BTD: variants seen among roughly 807,000 people sequenced by gnomAD.
The protein encoded by BTD is biocytinase.
Under a neutral mutation model 17.7 loss-of-function variants are expected in BTD, and 13 were observed. The ratio of observed to expected loss-of-function variants is 0.74; its 90% CI spans 0.48 to 1.17. The LOEUF (loss-of-function observed/expected upper bound fraction) is 1.17, where lower values mean the gene tolerates loss of function less well. Ranked by LOEUF, BTD falls within the 50% of genes most tolerant of loss-of-function variation. BTD has a pLI of 0.00. For synonymous variants in BTD, 240 were observed against 245.2 expected, an observed-to-expected ratio of 0.98 and a Z score of 0.20; for missense variants, 674 against 650.4, an observed-to-expected ratio of 1.04 and a Z score of -0.39.
At chr3:15,693,129 CAG>C (rs1331434712) in intron 3 of BTD, among the ~76,000 whole-genome samples, 2 of 152,106 alleles carry the variant, frequency 1.3e-5, no homozygotes, top group African/African-American at 2.4e-5. Flanking sequence ...TTAATGGGTA[CAG>C]AGTTTTAGTT....
chr3:15,660,306 G>T (rs1394565942), intron 3 of BTD, among the ~76,000 whole-genome samples: 1 of 152,236 alleles, frequency 6.6e-6, no homozygotes, highest in Non-Finnish European at 1.5e-5. Context: ...CATACGGAAA[G>T]GTGCTTTACC....
At chr3:15,619,008 C>A (rs180760585) in intron 1 of BTD, among the ~76,000 whole-genome samples, 1 of 152,096 alleles carries the variant, frequency 6.6e-6, no homozygotes, top group Non-Finnish European at 1.5e-5. Context: ...TGAACAAAGG[C>A]GGTTTTATTT....
chr3:15,715,216 A>G (rs1191133345), downstream of BTD, among the ~76,000 whole-genome samples: 1 of 152,202 alleles, frequency 6.6e-6, no homozygotes, highest in Non-Finnish European at 1.5e-5. Flanking sequence ...GATTTAGGTT[A>G]TCTTTTCTTC....
chr3:15,698,537 C>G (rs1471325289), intron 3 of BTD, among the ~76,000 whole-genome samples: 3 of 152,212 alleles, frequency 2.0e-5, no homozygotes, highest in Non-Finnish European at 2.9e-5. Flanking sequence ...GCAACTTCAG[C>G]AAAGTCTCAG....
rs144218103 is a variant in BTD, at chr3:15,711,125, GAATT to G, written c.*1055_*1058del. 7.5e-4 allele frequency: 887 copies of G among 1,186,080 alleles called. 17 individuals carry two copies. In the East Asian group the frequency reaches 0.022, roughly 29 times the overall value. 73.5% of individuals were successfully genotyped at this position (1,186,080 alleles called of 1,614,324 possible). A position where few individuals can be genotyped will look rare whatever the true frequency, so the allele number is the denominator to read the frequency against. On this transcript the variant is annotated 3_prime_UTR_variant, in exon 4 of 4. Transcript: ENST00000672141. ...TTGTTTTCTATTTTCTGGCAGCCCA[GAATT>G]AATAAAAAAGAACAAAGATAAGAGA...
chr3:15,674,310 G>C (rs2066710514), intron 3 of BTD, among the ~76,000 whole-genome samples: 1 of 152,000 alleles, frequency 6.6e-6, no homozygotes, highest in Admixed American at 6.6e-5. Context: ...TACTTTAGAG[G>C]TGGAGTCAAT....
chr3:15,694,895 C>CT, intron 3 of BTD: 1 of 1,316,068 alleles, frequency 7.6e-7, no homozygotes, highest in Non-Finnish European at 1.1e-6. Flanking sequence ...TCAAATCCAC[C>CT]TTAGAGTATT....
intron 3 of BTD, among the ~76,000 whole-genome samples, chr3:15,672,215 G>A (rs558915839): frequency 1.3e-5 from 2 of 148,618 alleles, no homozygotes; most frequent in Admixed American, 6.8e-5. Context: ...TAATGATCAT[G>A]CTCACTGCAC....
intron 3 of BTD, among the ~76,000 whole-genome samples, chr3:15,701,682 A>G (rs538699162): frequency 3.3e-5 from 5 of 152,182 alleles, no homozygotes; most frequent in Non-Finnish European, 7.3e-5. Flanking sequence ...TAAAAAGGTT[A>G]AAGTGGGTAT....
intron 1 of BTD, among the ~76,000 whole-genome samples, chr3:15,616,172 C>T (rs1224718237): frequency 3.3e-5 from 5 of 152,132 alleles, no homozygotes; most frequent in African/African-American, 9.7e-5. Flanking sequence ...ACAAAGAATA[C>T]GATTGCTGAA....
intron 3 of BTD, chr3:15,685,197 T>C (rs2067971884): frequency 6.3e-7 from 1 of 1,586,642 alleles, no homozygotes; most frequent in African/African-American, 1.3e-5. Flanking sequence ...CACTACACAA[T>C]GATATGCATT....
chr3:15,703,918 T>A (rs1226089294), intron 3 of BTD, among the ~76,000 whole-genome samples: 1 of 152,168 alleles, frequency 6.6e-6, no homozygotes, highest in Non-Finnish European at 1.5e-5. Context: ...TAAAATAATC[T>A]ACATACACAC....
rs1260930306 is a variant in BTD at position 15,645,117 on chromosome 3, G to A, written c.1201G>A (p.Gly401Ser). The A allele has an allele frequency of 8.7e-6, 14 of 1,614,018 alleles. No homozygotes were observed. The highest frequency in any genetic ancestry group is 1.3e-5 in the African/African-American group (1 of 74,896). The change falls in exon 4 of 4, where the codon GGC becomes AGC. Residue 401 changes from glycine (G) to serine (S), a missense_variant. By Grantham distance (56) the Gly-to-Ser change is moderately conservative. Coordinates refer to ENST00000643237, the MANE Select transcript of BTD (RefSeq NM_001370658.1). ...KEGYLHVCSN[G>S]LCCYLLYERP... ...AGGCTATCTCCACGTCTGTTCCAATGGCCTCTGCTGTTATTTACTTTACGA... is the reference window on the plus strand; with the variant it reads ...AGGCTATCTCCACGTCTGTTCCAATAGCCTCTGCTGTTATTTACTTTACGA...
intron 1 of BTD, among the ~76,000 whole-genome samples, chr3:15,609,289 G>A (rs1338787052): frequency 2.0e-5 from 3 of 152,168 alleles, no homozygotes; most frequent in Admixed American, 1.3e-4. Flanking sequence ...TGAAACCCCC[G>A]TGTGTCCTTT....
rs1156880850 is a variant in BTD at position 15,635,107 on chromosome 3, C to T, written c.-16-317C>T. Reference sequence around the variant, plus strand: ...GTTACTACTGCTTAAAATCTAAGTGCACAGCTAGAAAAGTGGGTAGTGACG... The same window carrying T: ...GTTACTACTGCTTAAAATCTAAGTGTACAGCTAGAAAAGTGGGTAGTGACG... On this transcript the variant is annotated intron_variant, in intron 1 of 3. Transcript: ENST00000643237. This position sits in a 1 kb window ranked among gnomAD's most constrained non-coding sequence, Gnocchi z 4.1. Among the ~76,000 whole-genome samples, 3 of 152,168 alleles carry T rather than the reference C, an allele frequency of 2.0e-5. No individual in the cohort carries two copies. Among genetic ancestry groups the T allele is most frequent in the Non-Finnish European group, 4.4e-5 (3 of 68,042 alleles).
chr3:15,685,097 G>A (rs978031878), intron 3 of BTD: 7 of 858,518 alleles, frequency 8.2e-6, no homozygotes, highest in African/African-American at 1.7e-5. Flanking sequence ...TTATTAGTAC[G>A]TGAGCCTATA....
At chr3:15,682,205 ATTAT>A (rs2067621512) in intron 3 of BTD, among the ~76,000 whole-genome samples, 2 of 152,256 alleles carry the variant, frequency 1.3e-5, no homozygotes, top group Non-Finnish European at 2.9e-5. Flanking sequence ...ATAAAAAAAG[ATTAT>A]TTATGTTAAC....
At position 15,649,754 on chromosome 3, in the gene BTD, C is replaced by T. The variant is rs1351408077; in HGVS notation, c.*4266C>T. Among the ~76,000 whole-genome samples the T allele has an allele frequency of 6.6e-6, 1 of 152,146 alleles. No homozygotes were observed. Among genetic ancestry groups the T allele is most frequent in the African/African-American group, 2.4e-5 (1 of 41,442 alleles). On this transcript the variant is annotated 3_prime_UTR_variant, in exon 4 of 4. Transcript: ENST00000643237. ...TCTCTCATCACAGCTTGTGACTCTT[C>T]CACTTTTTGAACTGGTGTTTCCCAT...
At chr3:15,621,757 G>A (rs572069947) in intron 1 of BTD, among the ~76,000 whole-genome samples, 10 of 152,060 alleles carry the variant, frequency 6.6e-5, no homozygotes, top group East Asian at 1.9e-4. Flanking sequence ...CCACCACCAC[G>A]CCTGGCTAAT....
Sources: gnomAD v4.1 joint callset for allele counts (sites outside exome capture counted in the v4.1 genomes callset) on GRCh38, gnomAD v4.1.1 for gene constraint, Gnocchi (gnomAD v3.1) non-coding constraint, MANE v1.5 for transcripts, NCBI Gene and HGNC (gene_info 2026-07-23, HGNC 2026-07-21) for gene names.